Variants in PCBD2 observed in about 807,000 individuals in gnomAD.
PCBD2 encodes the protein pterin-4 alpha-carbinolamine dehydratase 2, also known as pterin-4-alpha-carbinolamine dehydratase 2.
A neutral mutation model predicts 16.4 loss-of-function variants in PCBD2; 12 were observed. That is an observed-to-expected ratio of 0.73 (90% CI 0.47 to 1.19). PCBD2 has a LOEUF of 1.19. Ranked by LOEUF, PCBD2 falls within the 50% of genes most tolerant of loss-of-function variation. The pLI, the probability that PCBD2 is intolerant of heterozygous loss-of-function variation, is 0.00. For synonymous variants in PCBD2, 58 were observed against 61.8 expected (o/e 0.94, Z 0.29); for missense variants, 138 against 156.8 (o/e 0.88, Z 0.64).
At chr5:134,941,118 GAAAA>G (rs764468793) in intron 2 of PCBD2, among the ~76,000 whole-genome samples, 1 of 80,208 alleles carries the variant, frequency 1.2e-5, no homozygotes, top group Non-Finnish European at 2.5e-5. Flanking sequence ...CCATCTCAAG[GAAAA>G]AAAAAAAAAA....
chr5:134,943,655 C>A (rs1157444153), intron 2 of PCBD2, among the ~76,000 whole-genome samples: 1 of 152,104 alleles, frequency 6.6e-6, no homozygotes, highest in Non-Finnish European at 1.5e-5. Context: ...CAGAGACCCA[C>A]AAGAGACTGA....
At chr5:134,929,346 CAA>C (rs74273275) in intron 2 of PCBD2, among the ~76,000 whole-genome samples, 149 of 91,334 alleles carry the variant, frequency 1.6e-3, no homozygotes, top group East Asian at 2.6e-3. Flanking sequence ...GACCTTGTCT[CAA>C]AAAAAAAAAA....
rs1750753289 is a variant in PCBD2, at chr5:134,910,366, A to G, written c.116A>G (p.Glu39Gly). Residue 39 changes from glutamate (E) to glycine (G), a missense_variant, in exon 2 of 4, where the codon GAG (glutamate) becomes GGG (glycine). By Grantham distance (98) the Glu-to-Gly change is moderately conservative (BLOSUM62 -2). Transcript: ENST00000254908. The stretch of plus-strand genomic sequence containing the variant: ...GGTACTCACAGGTTGACTGCAGAGG[A>G]GAGGAACCAAGCTATACTTGACCTT... ...SSGTHRLTAE[E>G]RNQAILDLKA... 6.2e-7 allele frequency: 1 copy of G among 1,613,966 alleles called. No individual in the cohort carries two copies. Among genetic ancestry groups the G allele is most frequent in the South Asian group, 1.1e-5 (1 of 91,084 alleles).
rs1387702735 is a variant in PCBD2 at position 134,960,653 on chromosome 5, T to A, written c.365T>A (p.Phe122Tyr). Residue 122 changes from phenylalanine (F) to tyrosine (Y), a missense_variant, in exon 4 of 4, where the codon TTT (phenylalanine) becomes TAT (tyrosine). Transcript: ENST00000254908. ...AAAAAAGATGTGAAGCTGGCCAAGT[T>A]TATTGAAAAAGCAGCTGCTTCTGTG... ...LTKKDVKLAKFIEKAAASV is the reference protein window; with the variant it reads ...LTKKDVKLAKYIEKAAASV The A allele has an allele frequency of 2.5e-6, 4 of 1,612,942 alleles. No homozygotes were observed. Among genetic ancestry groups the A allele is most frequent in the Non-Finnish European group, 3.4e-6 (4 of 1,178,966 alleles).
chr5:134,959,653 G>A (rs17167752), intron 3 of PCBD2, among the ~76,000 whole-genome samples: 3,872 of 152,182 alleles, frequency 0.025, 152 homozygotes, highest in African/African-American at 0.082. Context: ...CATTTGAAAT[G>A]TCTTATCATC....
chr5:134,959,126 T>C lies in PCBD2; in HGVS notation c.297+6T>C, dbSNP rs1751446118. 1 of 1,597,772 alleles carries C rather than the reference T, an allele frequency of 6.3e-7. No individual in the cohort carries two copies. The highest frequency in any genetic ancestry group is 8.6e-7 in the Non-Finnish European group (1 of 1,168,312). On this transcript the variant is annotated splice_donor_region_variant and intron_variant, in intron 3 of 3. Transcript: ENST00000254908. ...GGTTCAATGTATACAACAAGGTAAC[T>C]AAACTGCCTTATTTGGGAATCACCT...
chr5:134,945,253 G>C (rs1751278449), intron 2 of PCBD2, among the ~76,000 whole-genome samples: 1 of 152,152 alleles, frequency 6.6e-6, no homozygotes, highest in South Asian at 2.1e-4. Context: ...CCTCTGATGG[G>C]ATTGCAAATG....
intron 2 of PCBD2, among the ~76,000 whole-genome samples, chr5:134,942,701 A>G (rs998939088): frequency 2.6e-5 from 4 of 152,120 alleles, no homozygotes; most frequent in African/African-American, 9.7e-5. Context: ...CTAGATGATA[A>G]TATTATTAGT....
intron 1 of PCBD2, among the ~76,000 whole-genome samples, chr5:134,907,349 T>G (rs962330760): frequency 7.2e-5 from 11 of 152,088 alleles, no homozygotes; most frequent in African/African-American, 2.4e-4. Flanking sequence ...GTTCAAGCGA[T>G]TCTCCTGCCT....
chr5:134,935,839 G>C (rs1751152664), intron 2 of PCBD2, among the ~76,000 whole-genome samples: 1 of 152,200 alleles, frequency 6.6e-6, no homozygotes, highest in South Asian at 2.1e-4. Flanking sequence ...GTTAAGTGTT[G>C]GCGCCGAGGC....
chr5:134,922,454 T>A (rs1369649482), intron 2 of PCBD2, among the ~76,000 whole-genome samples: 1 of 152,098 alleles, frequency 6.6e-6, no homozygotes, highest in East Asian at 1.9e-4. Flanking sequence ...TCTAGAAAGT[T>A]TTTCTTGATT....
At chr5:134,935,001 T>G (rs1751142699) in intron 2 of PCBD2, among the ~76,000 whole-genome samples, 1 of 152,244 alleles carries the variant, frequency 6.6e-6, no homozygotes. Context: ...TGTTAAGTTT[T>G]ATAGCACTCC....
chr5:134,921,484 TA>T (rs1750902709), intron 2 of PCBD2, among the ~76,000 whole-genome samples: 2 of 151,982 alleles, frequency 1.3e-5, no homozygotes, highest in African/African-American at 4.8e-5. Context: ...TAAGAGGACA[TA>T]CTTTGTCTGC....
At chr5:134,907,121 T>C (rs555298309) in intron 1 of PCBD2, among the ~76,000 whole-genome samples, 1 of 152,396 alleles carries the variant, frequency 6.6e-6, no homozygotes, top group South Asian at 2.1e-4. Context: ...TCCAGGTTCC[T>C]GCCTTATTAC....
At chr5:134,945,666 C>G (rs531647160) in intron 2 of PCBD2, among the ~76,000 whole-genome samples, 4 of 152,086 alleles carry the variant, frequency 2.6e-5, no homozygotes, top group Non-Finnish European at 5.9e-5. Context: ...CAAGATTCAG[C>G]TAAGTTTGGC....
intron 2 of PCBD2, among the ~76,000 whole-genome samples, chr5:134,920,313 G>C (rs1321203726): frequency 6.6e-6 from 1 of 152,168 alleles, no homozygotes; most frequent in Non-Finnish European, 1.5e-5. Flanking sequence ...GTTACCAGAT[G>C]CAAGACTCAC....
intron 2 of PCBD2, among the ~76,000 whole-genome samples, chr5:134,953,615 C>T (rs1277983499): frequency 5.3e-5 from 8 of 151,844 alleles, no homozygotes; most frequent in Non-Finnish European, 1.2e-4. Context: ...GCCAACATGG[C>T]GAAATCCTGT....
At chr5:134,905,807 G>A (rs1192228296) in intron 1 of PCBD2, 1 of 152,258 alleles carries the variant, frequency 6.6e-6, no homozygotes, top group African/African-American at 2.4e-5. Flanking sequence ...TGGAAAAGTG[G>A]TGCGTTAAAC....
At chr5:134,919,257 C>T (rs979842204) in intron 2 of PCBD2, among the ~76,000 whole-genome samples, 17 of 152,236 alleles carry the variant, frequency 1.1e-4, no homozygotes, top group Admixed American at 5.2e-4. Flanking sequence ...GCAGTTTGAG[C>T]TGACGTGAAA....
Sources: gnomAD v4.1 joint callset for allele counts (sites outside exome capture counted in the v4.1 genomes callset) on GRCh38, gnomAD v4.1.1 for gene constraint, MANE v1.5 for transcripts, NCBI Gene and HGNC (gene_info 2026-07-23, HGNC 2026-07-21) for gene names.